The following PCDHA4 variants were observed in gnomAD, a reference collection of about 807,000 sequenced individuals.
PCDHA4 encodes protocadherin alpha-4.
In PCDHA4, 49 loss-of-function variants were observed where a neutral mutation model predicts 61.4. That is an observed-to-expected ratio of 0.80 (90% confidence interval 0.63 to 1.01). The LOEUF is 1.01. Ranked by LOEUF, PCDHA4 falls within the 50% of genes least tolerant of loss-of-function variation. The pLI is 0.00. For synonymous variants in PCDHA4, 590 were observed against 550.3 expected (o/e 1.07, Z -1.01); for missense variants, 1,254 against 1,235.8 (o/e 1.01, Z -0.22).
At chr5:141,006,483 G>T (rs1351534173) in intron 3 of PCDHA4, among the ~76,000 whole-genome samples, 1 of 152,126 alleles carries the variant, frequency 6.6e-6, no homozygotes, top group Non-Finnish European at 1.5e-5. Context: ...AAAGTGCTGG[G>T]ATTACATGTG....
At chr5:140,875,735 C>T in intron 1 of PCDHA4, 1 of 1,614,232 alleles carries the variant, frequency 6.2e-7, no homozygotes. Context: ...TTTGTGAATT[C>T]TCGGATCGAC....
At chr5:140,952,797 C>T (rs782258698) in intron 1 of PCDHA4, among the ~76,000 whole-genome samples, 1 of 152,142 alleles carries the variant, frequency 6.6e-6, no homozygotes. Flanking sequence ...TTAACTGGCT[C>T]GCAGTTCTGC....
intron 1 of PCDHA4, chr5:140,854,783 A>C (rs1360368863): frequency 6.7e-6 from 1 of 149,694 alleles, no homozygotes; most frequent in East Asian, 1.9e-4. Flanking sequence ...GATTTCAAGA[A>C]CTTTGAGAGA....
At chr5:140,810,918 C>A (rs1328218288) in intron 1 of PCDHA4, 3 of 152,014 alleles carry the variant, frequency 2.0e-5, no homozygotes, top group Non-Finnish European at 4.4e-5. Context: ...TCTTTTATTT[C>A]ATTGTTTACA....
intron 1 of PCDHA4, chr5:140,969,405 C>T (rs781817372): frequency 6.3e-7 from 1 of 1,577,066 alleles, no homozygotes; most frequent in Non-Finnish European, 8.6e-7. Flanking sequence ...TGTGATTTGG[C>T]TTTATTGAGT....
chr5:140,926,703 C>G (rs2083476417), intron 1 of PCDHA4: 2 of 835,304 alleles, frequency 2.4e-6, no homozygotes, highest in Admixed American at 7.4e-5. Context: ...CGGCTCCCAG[C>G]TGGCCAGCCC....
intron 1 of PCDHA4, among the ~76,000 whole-genome samples, chr5:140,946,711 T>C (rs1165441185): frequency 1.3e-5 from 2 of 150,618 alleles, no homozygotes; most frequent in African/African-American, 2.5e-5. Context: ...GAGGTCATTA[T>C]GTTTAGTTAA....
intron 1 of PCDHA4, among the ~76,000 whole-genome samples, chr5:140,930,607 G>T (rs536411934): frequency 2.4e-4 from 36 of 152,252 alleles, no homozygotes; most frequent in African/African-American, 7.5e-4. Flanking sequence ...AATCCTAGAT[G>T]CAAGAGAAGG....
Position 140,932,015 on chromosome 5 carries a change from C to T in PCDHA4, c.2386-46934C>T, listed in dbSNP as rs150185692. Reference sequence around the variant, plus strand: ...TTCTAAGTTCTTTCATTTTAGTTTACGGTAAGTTTACAGTATATATTAACA... The same window carrying T: ...TTCTAAGTTCTTTCATTTTAGTTTATGGTAAGTTTACAGTATATATTAACA... On this transcript the variant is annotated intron_variant, in intron 1 of 3. Coordinates refer to ENST00000530339, the MANE Select transcript of PCDHA4 (RefSeq NM_018907.4). Among the ~76,000 whole-genome samples, 8 of 151,784 alleles carry T rather than the reference C, an allele frequency of 5.3e-5. No homozygotes were observed. The East Asian group carries it at 5.8e-4, about 11-fold the overall frequency.
chr5:140,858,421 G>C (rs782781172), intron 1 of PCDHA4: 2 of 1,557,082 alleles, frequency 1.3e-6, no homozygotes, highest in African/African-American at 1.4e-5. Context: ...CTATTGGAGG[G>C]GACCACTCTA....
At chr5:140,858,356 T>G (rs782216764) in intron 1 of PCDHA4, 1 of 1,593,100 alleles carries the variant, frequency 6.3e-7, no homozygotes, top group Non-Finnish European at 8.6e-7. Context: ...CCTCATGGCC[T>G]TCAGCCCCAG....
intron 1 of PCDHA4, among the ~76,000 whole-genome samples, chr5:140,819,287 T>G (rs988758166): frequency 4.6e-5 from 7 of 152,124 alleles, no homozygotes; most frequent in African/African-American, 7.2e-5. Flanking sequence ...AGAAGAAAAA[T>G]ATAGCTTATT....
At chr5:140,836,194 A>T in intron 1 of PCDHA4, 1 of 1,613,794 alleles carries the variant, frequency 6.2e-7, no homozygotes, top group Non-Finnish European at 8.5e-7. Context: ...TCAGGCTACA[A>T]CGCGTGGCTT....
intron 1 of PCDHA4, among the ~76,000 whole-genome samples, chr5:140,888,767 T>G (rs927723567): frequency 6.6e-6 from 1 of 152,048 alleles, no homozygotes; most frequent in Non-Finnish European, 1.5e-5. Flanking sequence ...TTTTTTTTAA[T>G]TTTGAAGGGA....
intron 1 of PCDHA4, among the ~76,000 whole-genome samples, chr5:140,925,502 C>G (rs978472276): frequency 6.6e-6 from 1 of 151,912 alleles, no homozygotes; most frequent in Admixed American, 6.6e-5. Context: ...GTCCCAATAT[C>G]CACGCAAAAG....
intron 1 of PCDHA4, chr5:140,825,249 A>G (rs1212475571): frequency 6.6e-5 from 10 of 151,408 alleles, no homozygotes; most frequent in African/African-American, 2.4e-4. Context: ...ATGGTGTTCC[A>G]TTGTGTAGGT....
chr5:140,884,549 G>A (rs782470468), intron 1 of PCDHA4: 3 of 1,614,016 alleles, frequency 1.9e-6, no homozygotes, highest in African/African-American at 1.3e-5. Context: ...GGTGTGCTCT[G>A]GGGAGGGCCC....
At chr5:140,958,700 C>G (rs2095439212) in intron 1 of PCDHA4, among the ~76,000 whole-genome samples, 1 of 152,086 alleles carries the variant, frequency 6.6e-6, no homozygotes, top group Non-Finnish European at 1.5e-5. Context: ...CCTAGAGTGA[C>G]AACTCTGTTA....
chr5:140,876,031 G>T (rs1554168208), intron 1 of PCDHA4: 1 of 1,613,702 alleles, frequency 6.2e-7, no homozygotes. Flanking sequence ...AACAAAAAAA[G>T]ATAAAAGTAT....
Sources: allele counts gnomAD v4.1 joint callset (sites outside exome capture counted in the v4.1 genomes callset), GRCh38; gene constraint gnomAD v4.1.1; transcripts MANE v1.5; gene names NCBI Gene and HGNC (gene_info 2026-07-23, HGNC 2026-07-21).